DOCK4: variants seen among roughly 807,000 people sequenced by gnomAD.
DOCK4 encodes the protein dedicator of cytokinesis 4.
DOCK4 carries 97 observed loss-of-function variants against 268.1 expected under a neutral mutation model. The observed-to-expected ratio is 0.36, with a 90% CI of 0.31 to 0.43. The LOEUF (loss-of-function observed/expected upper bound fraction) is 0.43, where lower values mean the gene tolerates loss of function less well. DOCK4 is among the 20% of genes least tolerant of loss of function. The pLI is 1.00. For missense variants in DOCK4, 2,145 were observed against 2,455.7 expected (o/e 0.87, Z 2.67); for synonymous variants, 954 against 887.2 (o/e 1.08, Z -1.34).
chr7:112,032,802 T>G (rs1214772706), intron 1 of DOCK4, among the ~76,000 whole-genome samples: 1 of 152,172 alleles, frequency 6.6e-6, no homozygotes, highest in African/African-American at 2.4e-5. Context: ...TACCTTTTAT[T>G]CTAGCTTGGA....
At position 112,018,179 on chromosome 7, in the gene DOCK4, A is replaced by AAAAAAACACAC; in HGVS notation, c.38-14049_38-14048insGTGTGTTTTTT. On this transcript the variant is annotated intron_variant, in intron 1 of 52. Transcript: ENST00000428084. ...AAAAAAAAAAAAAAAAAAAAAAAAA[A>AAAAAAACACAC]ACACAGGCAACCAGTATTCATGTGG... Among the ~76,000 whole-genome samples the AAAAAAACACAC allele has an allele frequency of 6.9e-5, 5 of 72,630 alleles. 1 individual carries two copies. The highest frequency in any genetic ancestry group is 2.7e-4 in the African/African-American group (5 of 18,512). 47.6% of individuals were successfully genotyped at this position (72,630 alleles called of 152,430 possible).
chr7:111,782,936 A>C lies in DOCK4; in HGVS notation c.3525-12T>G. 25 of 1,612,672 alleles carry C rather than the reference A, an allele frequency of 1.6e-5. No homozygotes were observed. Among genetic ancestry groups the C allele is most frequent in the Non-Finnish European group, 2.0e-5 (23 of 1,179,372 alleles). ...TTTTCATGCAGTCCCTAAAAACAAA[A>C]AGCAATAGTCAGAACTCAGAACTTC... On this transcript the variant is annotated splice_polypyrimidine_tract_variant and intron_variant, in intron 34 of 52. Coordinates refer to ENST00000428084, the MANE Select transcript of DOCK4 (RefSeq NM_001363540.2).
At chr7:112,021,985 C>T (rs1802360551) in intron 1 of DOCK4, among the ~76,000 whole-genome samples, 1 of 152,154 alleles carries the variant, frequency 6.6e-6, no homozygotes, top group Admixed American at 6.5e-5. Context: ...ATTTATGCTT[C>T]CGATTAATGT....
intron 1 of DOCK4, among the ~76,000 whole-genome samples, chr7:112,013,310 C>A (rs538996934): frequency 1.3e-5 from 2 of 152,294 alleles, no homozygotes; most frequent in African/African-American, 4.8e-5. Flanking sequence ...TAAATTCTTA[C>A]AATTACTCCC....
At chr7:111,888,912 C>T (rs1808065241) in intron 16 of DOCK4, among the ~76,000 whole-genome samples, 1 of 152,118 alleles carries the variant, frequency 6.6e-6, no homozygotes. Context: ...GACCACCAGA[C>T]ACTAGACACC....
At chr7:111,935,697 A>G (rs921787903) in intron 11 of DOCK4, 69 bp from the exon 12 acceptor site, 33 of 1,358,556 alleles carry the variant, frequency 2.4e-5, no homozygotes, top group Non-Finnish European at 3.3e-5. Context: ...CTCATAGTAC[A>G]TCTGCCCTTT....
Position 112,128,439 on chromosome 7 carries a change from G to A in DOCK4, c.37+77663C>T, listed in dbSNP as rs1380855950. Among the ~76,000 whole-genome samples the A allele has an allele frequency of 9.2e-5, 14 of 152,258 alleles. No individual in the cohort carries two copies. The East Asian group carries it at 2.5e-3, about 27-fold the overall frequency. ...GTGTGCCCAACAGCTCATTGAGAAC[G>A]GGCCAGGATGACAATGGCGGCTTTG... On this transcript the variant is annotated intron_variant, in intron 1 of 52. Coordinates refer to ENST00000428084, the MANE Select transcript of DOCK4 (RefSeq NM_001363540.2).
intron 1 of DOCK4, among the ~76,000 whole-genome samples, chr7:112,170,130 G>A (rs1817955583): frequency 6.6e-6 from 1 of 151,900 alleles, no homozygotes; most frequent in Non-Finnish European, 1.5e-5. Flanking sequence ...AGAGAAGAGA[G>A]AAAAAAATAA....
intron 12 of DOCK4, among the ~76,000 whole-genome samples, chr7:111,925,970 C>CT (rs1455954279): frequency 6.7e-6 from 1 of 149,304 alleles, no homozygotes; most frequent in Non-Finnish European, 1.5e-5. Flanking sequence ...GGCGTGTCGC[C>CT]TGTAGTTCCA....
At chr7:111,825,563 C>G (rs1166689894) in intron 26 of DOCK4, among the ~76,000 whole-genome samples, 1 of 152,144 alleles carries the variant, frequency 6.6e-6, no homozygotes, top group Admixed American at 6.5e-5. Context: ...CTATAATATT[C>G]CTGCTTGGAC....
chr7:111,804,058 T>A (rs566842923), intron 30 of DOCK4, among the ~76,000 whole-genome samples: 1 of 152,020 alleles, frequency 6.6e-6, no homozygotes, highest in Admixed American at 6.6e-5. Context: ...ACAATAGAAT[T>A]CCCATATGAT....
intron 30 of DOCK4, among the ~76,000 whole-genome samples, chr7:111,797,444 C>T (rs1001388661): frequency 2.0e-5 from 3 of 152,166 alleles, no homozygotes; most frequent in Non-Finnish European, 4.4e-5. Context: ...TTTCACCTCA[C>T]ATGGAAGGAT....
At position 112,055,097 on chromosome 7, in the gene DOCK4, T is replaced by C. The variant is rs1050849675; in HGVS notation, c.38-50966A>G. Among the ~76,000 whole-genome samples, 6 of 152,178 alleles carry C rather than the reference T, an allele frequency of 3.9e-5. No homozygotes were observed. The South Asian group carries it at 8.3e-4, about 21-fold the overall frequency. ...GCGACTTTCAGTCAGTCAAACAATA[T>C]ATAATGAAACCAATTTTACCAAAGA... On this transcript the variant is annotated intron_variant, in intron 1 of 52. Transcript: ENST00000428084.
chr7:112,184,970 T>C (rs898356472), intron 1 of DOCK4, among the ~76,000 whole-genome samples: 2 of 152,190 alleles, frequency 1.3e-5, no homozygotes, highest in Non-Finnish European at 2.9e-5. Context: ...TTGATCATAA[T>C]AATTGCATGG....
At chr7:112,145,152 G>A (rs1440835426) in intron 1 of DOCK4, among the ~76,000 whole-genome samples, 1 of 152,118 alleles carries the variant, frequency 6.6e-6, no homozygotes, top group Non-Finnish European at 1.5e-5. Context: ...GTGCTAGAGA[G>A]GTTAGCAAGC....
intron 1 of DOCK4, among the ~76,000 whole-genome samples, chr7:112,032,548 A>T (rs1410589484): frequency 6.6e-6 from 1 of 152,130 alleles, no homozygotes; most frequent in African/African-American, 2.4e-5. Flanking sequence ...GTTGTAAGGA[A>T]CCAATGAAGG....
At chr7:111,829,649 T>C (rs571968522) in intron 26 of DOCK4, among the ~76,000 whole-genome samples, 1 of 152,316 alleles carries the variant, frequency 6.6e-6, no homozygotes, top group South Asian at 2.1e-4. Context: ...ACAATTGATA[T>C]CTGTAAGAAA....
chr7:112,108,309 CA>C (rs1811315749), intron 1 of DOCK4, among the ~76,000 whole-genome samples: 1 of 152,054 alleles, frequency 6.6e-6, no homozygotes. Context: ...AGGTGTCAAA[CA>C]AAACACTATA....
chr7:112,059,299 T>C (rs539710533), intron 1 of DOCK4, among the ~76,000 whole-genome samples: 5 of 151,884 alleles, frequency 3.3e-5, no homozygotes, highest in Non-Finnish European at 7.4e-5. Context: ...CACACCACCA[T>C]GCCTGGACAA....
Sources: gnomAD v4.1 joint callset for allele counts (sites outside exome capture counted in the v4.1 genomes callset) on GRCh38, gnomAD v4.1.1 for gene constraint, MANE v1.5 for transcripts, NCBI Gene and HGNC (gene_info 2026-07-23, HGNC 2026-07-21) for gene names.